Variants in ROBO2 observed in about 807,000 individuals in gnomAD.
ROBO2 encodes the protein roundabout homolog 2.
ROBO2 carries 53 observed loss-of-function variants against 160.8 expected under a neutral mutation model. That is an observed-to-expected ratio of 0.33 (90% CI 0.26 to 0.41). The LOEUF (loss-of-function observed/expected upper bound fraction) is 0.41, where lower values mean the gene tolerates loss of function less well. Ranked by LOEUF, ROBO2 falls within the 10% of genes least tolerant of loss-of-function variation. The pLI is 1.00. For synonymous variants in ROBO2, 664 were observed against 611.7 expected, an observed-to-expected ratio of 1.09 and a Z score of -1.26; for missense variants, 1,577 against 1,722.4, an observed-to-expected ratio of 0.92 and a Z score of 1.49.
chr3:76,822,395 T>TA (rs2066198118), intron 2 of ROBO2, among the ~76,000 whole-genome samples: 1 of 152,052 alleles, frequency 6.6e-6, no homozygotes, highest in Non-Finnish European at 1.5e-5. Flanking sequence ...CCATAAACTT[T>TA]AATTTTATTA....
chr3:76,431,596 G>A (rs1011813326), intron 2 of ROBO2, among the ~76,000 whole-genome samples: 12 of 151,996 alleles, frequency 7.9e-5, no homozygotes, highest in African/African-American at 2.7e-4. Flanking sequence ...ATAATCTTTC[G>A]TATAAACAAG....
chr3:76,393,947 G>T (rs1182364061), intron 2 of ROBO2, among the ~76,000 whole-genome samples: 2 of 152,072 alleles, frequency 1.3e-5, no homozygotes, highest in Admixed American at 6.6e-5. Flanking sequence ...TAGAGGGAAA[G>T]AAAAATAAAA....
intron 1 of ROBO2, among the ~76,000 whole-genome samples, chr3:77,072,634 A>G (rs1307546731): frequency 2.0e-5 from 3 of 152,126 alleles, no homozygotes; most frequent in Non-Finnish European, 4.4e-5. Context: ...CCTTGATTGC[A>G]TTTATCATAA....
At chr3:76,580,343 T>TTTTTTTTTTTTTTTTTTTTTTTGTG (rs2085610198) in intron 2 of ROBO2, among the ~76,000 whole-genome samples, 4 of 7,290 alleles carry the variant, frequency 5.5e-4, no homozygotes, top group Non-Finnish European at 1.2e-3. Context: ...TTTTTTTGTG[T>TTTTTTTTTTTTTTTTTTTTTTTGTG]TTTTTTTTTT....
intron 2 of ROBO2, among the ~76,000 whole-genome samples, chr3:76,799,435 T>A (rs551736631): frequency 1.3e-5 from 2 of 151,958 alleles, no homozygotes; most frequent in African/African-American, 4.8e-5. Context: ...CGTCTAATTA[T>A]CTTTGCTTGC....
At chr3:77,547,170 T>A (rs811353) in intron 7 of ROBO2, among the ~76,000 whole-genome samples, 1 of 151,808 alleles carries the variant, frequency 6.6e-6, no homozygotes, top group African/African-American at 2.4e-5. Context: ...CATTTAGAAC[T>A]CTGTCTAAAG....
At position 76,795,518 on chromosome 3, in the gene ROBO2, C is replaced by T. The variant is rs1167042; in HGVS notation, c.110-302496C>T. Among the ~76,000 whole-genome samples the T allele has an allele frequency of 3.0e-3, 454 of 152,250 alleles. 2 individuals are homozygous for T. The highest frequency in any genetic ancestry group is 0.01 in the African/African-American group (421 of 41,558). On this transcript the variant is annotated intron_variant, in intron 2 of 26. Transcript: ENST00000487694. ...CCATCTCAAGAAACCACTCTCTTTG[C>T]TCATCCATAAGAAACAACTTCTCAT...
intron 2 of ROBO2, among the ~76,000 whole-genome samples, chr3:77,416,421 G>T (rs2077225440): frequency 6.6e-6 from 1 of 152,102 alleles, no homozygotes; most frequent in African/African-American, 2.4e-5. Context: ...TTTCTGCCCA[G>T]AAATTTATCT....
chr3:76,720,505 A>G (rs995461119), intron 2 of ROBO2, among the ~76,000 whole-genome samples: 2 of 152,226 alleles, frequency 1.3e-5, no homozygotes, highest in African/African-American at 4.8e-5. Context: ...AAGGAACAGT[A>G]ACAACAAAAA....
intron 2 of ROBO2, among the ~76,000 whole-genome samples, chr3:76,335,898 T>C (rs2073860090): frequency 6.6e-6 from 1 of 152,184 alleles, no homozygotes; most frequent in Non-Finnish European, 1.5e-5. Context: ...TTTTAATGAC[T>C]GCATTCTGCT....
chr3:76,723,572 C>T (rs1342348126), intron 2 of ROBO2, among the ~76,000 whole-genome samples: 1 of 152,142 alleles, frequency 6.6e-6, no homozygotes, highest in Non-Finnish European at 1.5e-5. Context: ...AGGCCCCGCC[C>T]ACTTCATTCT....
intron 2 of ROBO2, among the ~76,000 whole-genome samples, chr3:77,388,920 G>A (rs1291241779): frequency 6.6e-6 from 1 of 152,150 alleles, no homozygotes; most frequent in African/African-American, 2.4e-5. Context: ...CGTCAGAGGG[G>A]TTTTTCTGAT....
intron 2 of ROBO2, among the ~76,000 whole-genome samples, chr3:76,213,773 T>C (rs1703305950): frequency 3.3e-5 from 5 of 152,156 alleles, no homozygotes; most frequent in Admixed American, 2.6e-4. Flanking sequence ...AGACATATTT[T>C]ATCGTTATTA....
rs1282639844 is a variant in ROBO2 at position 77,003,207 on chromosome 3, ATTACT to A, written c.110-94802_110-94798del. Among the ~76,000 whole-genome samples the A allele has an allele frequency of 3.3e-5, 5 of 152,308 alleles. No individual in the cohort carries two copies. The South Asian group carries it at 8.3e-4, about 25-fold the overall frequency. On this transcript the variant is annotated intron_variant, in intron 2 of 26. Coordinates refer to the ROBO2 transcript ENST00000487694. ...ACCTTCATGAAATAAGAATCAGCAC[ATTACT>A]TTACAGTTCTGAAAGCATACTTGAT...
At chr3:76,634,612 A>G (rs2090217619) in intron 2 of ROBO2, among the ~76,000 whole-genome samples, 1 of 151,558 alleles carries the variant, frequency 6.6e-6, no homozygotes, top group Admixed American at 6.6e-5. Flanking sequence ...TGAATTAAGG[A>G]CCACTCTAAT....
intron 2 of ROBO2, among the ~76,000 whole-genome samples, chr3:76,360,919 T>A (rs1259540595): frequency 6.6e-6 from 1 of 152,004 alleles, no homozygotes; most frequent in Non-Finnish European, 1.5e-5. Context: ...AAAGACTTTG[T>A]GAGGATATAG....
intron 2 of ROBO2, among the ~76,000 whole-genome samples, chr3:76,948,690 C>A (rs907771028): frequency 4.9e-4 from 70 of 143,182 alleles, no homozygotes; most frequent in African/African-American, 1.7e-3. Flanking sequence ...AACCCCTCCA[C>A]TGAGGCTATA....
chr3:76,718,110 G>A (rs1448885907), intron 2 of ROBO2, among the ~76,000 whole-genome samples: 1 of 152,160 alleles, frequency 6.6e-6, no homozygotes, highest in Non-Finnish European at 1.5e-5. Context: ...TAAACGATGT[G>A]TATAAGTGTC....
chr3:75,990,887 TGAA>T (rs1281998499), intron 2 of ROBO2, among the ~76,000 whole-genome samples: 1 of 152,144 alleles, frequency 6.6e-6, no homozygotes, highest in African/African-American at 2.4e-5. Context: ...GTAAACTGAG[TGAA>T]GAAGATCTGC....
Sources: gnomAD v4.1 joint callset for allele counts (sites outside exome capture counted in the v4.1 genomes callset) on GRCh38, gnomAD v4.1.1 for gene constraint, MANE v1.5 for transcripts, NCBI Gene and HGNC (gene_info 2026-07-23, HGNC 2026-07-21) for gene names.